DOCK6: variants seen among roughly 807,000 people sequenced by gnomAD.
DOCK6 encodes the protein dedicator of cytokinesis 6.
DOCK6 carries 167 observed loss-of-function variants against 230.3 expected under a neutral mutation model. The ratio of observed to expected loss-of-function variants is 0.73; its 90% CI spans 0.64 to 0.82. The LOEUF (loss-of-function observed/expected upper bound fraction) is 0.82, where lower values mean the gene tolerates loss of function less well. DOCK6 is among the 40% of genes least tolerant of loss of function. The pLI is 0.00. For synonymous variants in DOCK6, 1,148 were observed against 1,185.0 expected, an observed-to-expected ratio of 0.97 and a Z score of 0.64; for missense variants, 2,598 against 2,825.8, an observed-to-expected ratio of 0.92 and a Z score of 1.83.
rs765568189 is a variant in DOCK6 at position 11,212,001 on chromosome 19, C to T, written c.4642G>A (p.Ala1548Thr). ...EDMGLRDSTF[A>T]EQVQDLMFNL... ...GACCCAGCAGGTGTCACCTGCTCTGCGAAGGTGCTGTCCCGCAGCCCCATG... is the reference window on the plus strand; with the variant it reads ...GACCCAGCAGGTGTCACCTGCTCTGTGAAGGTGCTGTCCCGCAGCCCCATG... The change falls in exon 36 of 48, where the codon GCA (alanine) becomes ACA (threonine). Residue 1548 changes from alanine (A) to threonine (T), a missense_variant. Transcript: ENST00000294618. 1.1e-5 allele frequency: 17 copies of T among 1,604,028 alleles called. No homozygotes were observed. The Middle Eastern group carries it at 6.6e-4, about 63-fold the overall frequency.
In DOCK6 at chr19:11,248,272, G is replaced by A. The variant is rs2080067020; in HGVS notation, c.721-121C>T. On this transcript the variant is annotated intron_variant, in intron 6 of 47. Coordinates refer to ENST00000294618, the MANE Select transcript of DOCK6 (RefSeq NM_020812.4). ...CCTGACTAACCGTCTTTCCATCCCTGCCTCTGAGCCTTTACACGTGCTGTT... is the reference window on the plus strand; with the variant it reads ...CCTGACTAACCGTCTTTCCATCCCTACCTCTGAGCCTTTACACGTGCTGTT... 7 of 700,940 alleles carry A rather than the reference G, an allele frequency of 1.0e-5. No individual in the cohort carries two copies. The South Asian group carries it at 1.3e-4, about 13-fold the overall frequency. The allele number at this position is 700,940 out of a possible 1,614,324, so 43.4% of individuals were successfully genotyped here.
chr19:11,203,990 C>T (rs1345820567), intron 41 of DOCK6, 91 bp downstream of exon 41: 54 of 1,513,452 alleles, frequency 3.6e-5, no homozygotes, highest in Non-Finnish European at 4.7e-5. Flanking sequence ...CGGCCATGCT[C>T]CTCTGGTGCC....
chr19:11,237,193 G>C lies in DOCK6; in HGVS notation c.2073+263C>G. 3 of 594,622 alleles carry C rather than the reference G, an allele frequency of 5.0e-6. No homozygotes were observed. The South Asian group carries it at 6.1e-5, about 12-fold the overall frequency. The allele number at this position is 594,622 out of a possible 1,614,324, so 36.8% of individuals were successfully genotyped here. A position where few individuals can be genotyped will look rare whatever the true frequency, so the allele number is the denominator to read the frequency against. On this transcript the variant is annotated intron_variant, in intron 18 of 47. Transcript: ENST00000294618. The stretch of plus-strand genomic sequence containing the variant: ...ATGGTGCATTCATGGGGAATGATAA[G>C]GTACTACGAGGGCAGGGGACAGTGA...
chr19:11,199,738 A>T (rs545781204), intron 47 of DOCK6, among the ~76,000 whole-genome samples, 199 bp from the exon 48 acceptor site: 1 of 152,270 alleles, frequency 6.6e-6, no homozygotes, highest in East Asian at 1.9e-4. Flanking sequence ...TCCCCATTTT[A>T]CAGATGTAGA....
At chr19:11,234,251 G>A (rs149960601) in intron 21 of DOCK6, among the ~76,000 whole-genome samples, 1 of 151,924 alleles carries the variant, frequency 6.6e-6, no homozygotes, top group African/African-American at 2.4e-5. Flanking sequence ...GCCTGACTCA[G>A]CCTCCCAAAG....
rs1401658061 is a variant in DOCK6, at chr19:11,235,691, C to T, written c.2461G>A (p.Ala821Thr). The part of the protein sequence containing the change: ...VVSLVHRSLE[A>T]AQDARGHCPQ... ...CAGTGACCGCGGGCATCCTGGGCTG[C>T]CTCCAGGCTCCGGTGAACAAGGCTG... Residue 821 changes from alanine to threonine, a missense_variant, in exon 21 of 48, where the codon GCA becomes ACA. Physicochemically the swap from Ala to Thr is moderately conservative, Grantham distance 58. Coordinates refer to ENST00000294618, the MANE Select transcript of DOCK6 (RefSeq NM_020812.4). 2 of 1,601,428 alleles carry T rather than the reference C, an allele frequency of 1.2e-6. No homozygotes were observed. Among genetic ancestry groups the T allele is most frequent in the Non-Finnish European group, 1.7e-6 (2 of 1,173,960 alleles).
At chr19:11,234,705 G>A (rs2079820221) in intron 21 of DOCK6, among the ~76,000 whole-genome samples, 1 of 152,152 alleles carries the variant, frequency 6.6e-6, no homozygotes, top group Non-Finnish European at 1.5e-5. Context: ...GGCAGGGCCA[G>A]GATTCACATC....
intron 35 of DOCK6, among the ~76,000 whole-genome samples, chr19:11,212,354 G>A (rs1347014850): frequency 6.6e-6 from 1 of 152,004 alleles, no homozygotes; most frequent in Admixed American, 6.6e-5. Flanking sequence ...CAATTCTCCT[G>A]CCTCAGCCTC....
chr19:11,260,849 C>T, intron 1 of DOCK6, among the ~76,000 whole-genome samples: 2 of 114,772 alleles, frequency 1.7e-5, no homozygotes, highest in Admixed American at 2.6e-4. Context: ...TGCCATTGCA[C>T]TCCAGTTTGG....
At position 11,233,251 on chromosome 19, in the gene DOCK6, C is replaced by A; in HGVS notation, c.2670G>T (p.Val890=). ...SISSSNPDLA[V]APGSVDDEVS... The stretch of plus-strand genomic sequence containing the variant: ...CCTCGTCATCCACAGAGCCAGGGGC[C>A]ACGGCGAGGTCAGGGTTGCTGCTGC... The change falls in exon 22 of 48, where the codon GTG becomes GTT. Residue 890 remains valine (V), a synonymous_variant. Coordinates refer to ENST00000294618, the MANE Select transcript of DOCK6 (RefSeq NM_020812.4). 1 of 1,613,882 alleles carries A rather than the reference C, an allele frequency of 6.2e-7. No homozygotes were observed. Among genetic ancestry groups the A allele is most frequent in the Non-Finnish European group, 8.5e-7 (1 of 1,179,862 alleles).
At chr19:11,232,564 A>C (rs12972021) in intron 22 of DOCK6, among the ~76,000 whole-genome samples, 1 of 143,320 alleles carries the variant, frequency 7.0e-6, no homozygotes, top group Non-Finnish European at 1.5e-5. Context: ...CATCAGGTGA[A>C]TGTGTATACA....
chr19:11,232,397 A>G, intron 22 of DOCK6: 1 of 801,094 alleles, frequency 1.2e-6, no homozygotes. Flanking sequence ...CCACATGTGC[A>G]CCTACACACA....
At position 11,236,431 on chromosome 19, in the gene DOCK6, G is replaced by A. The variant is rs527383547; in HGVS notation, c.2307C>T (p.Pro769=). ...GGTGGGAGAAGGCCACAAGGGGTTCGGGGCTGGCCAGGCGCAGTGCTGCAA... is the reference window on the plus strand; with the variant it reads ...GGTGGGAGAAGGCCACAAGGGGTTCAGGGCTGGCCAGGCGCAGTGCTGCAA... The part of the protein sequence containing the change: ...ASLAALRLAS[P]EPLVAFSHHV... Residue 769 remains proline (P), a synonymous_variant, in exon 20 of 48, where the codon CCC becomes CCT. Coordinates refer to ENST00000294618, the MANE Select transcript of DOCK6 (RefSeq NM_020812.4). This position sits in a 1 kb window ranked among gnomAD's most constrained non-coding sequence, Gnocchi z 5.2. 37 of 1,589,886 alleles carry A rather than the reference G, an allele frequency of 2.3e-5. No homozygotes were observed. Among genetic ancestry groups the A allele is most frequent in the African/African-American group, 1.9e-4 (14 of 74,576 alleles).
chr19:11,257,068 C>T (rs572391367), intron 1 of DOCK6, among the ~76,000 whole-genome samples: 9 of 151,988 alleles, frequency 5.9e-5, no homozygotes, highest in Admixed American at 5.9e-4. Flanking sequence ...CTTACTGCAG[C>T]CTCAACCTCC....
chr19:11,261,741 C>G (rs2080292707), intron 1 of DOCK6, among the ~76,000 whole-genome samples: 1 of 152,148 alleles, frequency 6.6e-6, no homozygotes, highest in Non-Finnish European at 1.5e-5. Flanking sequence ...TCCCCAGCCC[C>G]CACTCCCTCC....
At position 11,221,843 on chromosome 19, in the gene DOCK6, C is replaced by A. The variant is rs755936794; in HGVS notation, c.3550+8G>T. On this transcript the variant is annotated splice_region_variant and intron_variant, in intron 28 of 47. Coordinates refer to ENST00000294618, the MANE Select transcript of DOCK6 (RefSeq NM_020812.4). ...TCATGTGACCCCATCTTCCCCTGGC[C>A]CACTGACCAGCAAAGTCATGCAGCC... The A allele has an allele frequency of 2.5e-6, 4 of 1,613,684 alleles. No individual in the cohort carries two copies. The Admixed American group carries it at 6.7e-5, about 27-fold the overall frequency.
rs779633619 is a variant in DOCK6, at chr19:11,221,878, T to A, written c.3523A>T (p.Thr1175Ser). 8 of 1,613,710 alleles carry A rather than the reference T, an allele frequency of 5.0e-6. No individual in the cohort carries two copies. Among genetic ancestry groups the A allele is most frequent in the Non-Finnish European group, 5.9e-6 (7 of 1,179,896 alleles). ...YLPLLSIARD[T>S]LPRLHDFAEG... ...GCAAAGTCATGCAGCCGTGGCAAGGTATCCCGTGCAATCGATAGCAGTGGC... is the reference window on the plus strand; with the variant it reads ...GCAAAGTCATGCAGCCGTGGCAAGGAATCCCGTGCAATCGATAGCAGTGGC... The change falls in exon 28 of 48, where the codon ACC (threonine) becomes TCC (serine). Residue 1175 changes from threonine (T) to serine (S), a missense_variant. Physicochemically the swap from Thr to Ser is moderately conservative, Grantham distance 58 (BLOSUM62 1). Coordinates refer to ENST00000294618, the MANE Select transcript of DOCK6 (RefSeq NM_020812.4).
intron 7 of DOCK6, among the ~76,000 whole-genome samples, chr19:11,246,249 G>T (rs746410688): frequency 2.0e-5 from 3 of 151,640 alleles, no homozygotes; most frequent in Non-Finnish European, 4.4e-5. Context: ...TGTGTTTTTA[G>T]TAGAGACAGG....
intron 22 of DOCK6, chr19:11,232,328 G>T (rs757881697): frequency 7.8e-7 from 1 of 1,279,926 alleles, no homozygotes; most frequent in Non-Finnish European, 1.0e-6. Flanking sequence ...CCCCAGTGGA[G>T]GGCAGGGAAA....
Sources: gnomAD v4.1 joint callset for allele counts (sites outside exome capture counted in the v4.1 genomes callset) on GRCh38, gnomAD v4.1.1 for gene constraint, Gnocchi (gnomAD v3.1) non-coding constraint, MANE v1.5 for transcripts, NCBI Gene and HGNC (gene_info 2026-07-23, HGNC 2026-07-21) for gene names.